The following PSG1 variants were observed in gnomAD, a reference collection of about 807,000 sequenced individuals.
The protein encoded by PSG1 is pregnancy-specific beta-1-glycoprotein 1.
PSG1 carries 60 observed loss-of-function variants against 41.4 expected under a neutral mutation model. That is an observed-to-expected ratio of 1.45 (90% CI 1.18 to 1.80). The LOEUF is 1.80. Among genes scored for constraint, PSG1 ranks in the 40% most tolerant of loss-of-function variants. The pLI, the probability that PSG1 is intolerant of heterozygous loss-of-function variation, is 0.00. For missense variants in PSG1, 806 were observed against 516.9 expected (o/e 1.56, Z -5.42); for synonymous variants, 256 against 192.9 (o/e 1.33, Z -2.71).
intron 3 of PSG1, chr19:42,870,493 G>T (rs1442308656): frequency 6.6e-6 from 1 of 151,590 alleles, no homozygotes; most frequent in Admixed American, 6.6e-5. Context: ...CTTGGGATGT[G>T]AGAAAGGCTG....
chr19:42,875,167 T>C (rs1971551670), intron 2 of PSG1, among the ~76,000 whole-genome samples: 1 of 151,798 alleles, frequency 6.6e-6, no homozygotes, highest in South Asian at 2.1e-4. Context: ...TCAGGCTGGC[T>C]GTCCTCACTC....
intron 1 of PSG1, among the ~76,000 whole-genome samples, chr19:42,878,869 T>C (rs141591528): frequency 1.3e-5 from 2 of 151,386 alleles, no homozygotes; most frequent in Non-Finnish European, 2.9e-5. Flanking sequence ...GGGCCCTCCA[T>C]GCCCTGGGTG....
chr19:42,877,966 T>A lies in PSG1; in HGVS notation c.377A>T (p.Lys126Met), dbSNP rs141705079. ...TACTCCTCTAGTCCCATCATCTCCC[T>A]TTATGATGTGTAAGGTGTAGGATCC... ...DAGSYTLHII[K>M]GDDGTRGVTG... The change falls in exon 2 of 6, where the codon AAG (lysine) becomes ATG (methionine). Residue 126 changes from lysine (K) to methionine (M), a missense_variant. Transcript: ENST00000436291. 3.7e-6 allele frequency: 6 copies of A among 1,612,400 alleles called. No individual in the cohort carries two copies. Among genetic ancestry groups the A allele is most frequent in the Non-Finnish European group, 5.1e-6 (6 of 1,179,162 alleles).
intron 3 of PSG1, chr19:42,870,615 C>T (rs886320741): frequency 1.3e-5 from 2 of 151,522 alleles, no homozygotes; most frequent in African/African-American, 4.8e-5. Flanking sequence ...AGATTTAGGA[C>T]AGTGTTTTCT....
Position 42,872,746 on chromosome 19 carries a change from G to C in PSG1, c.431-701C>G, listed in dbSNP as rs554492773. Among the ~76,000 whole-genome samples, 6 of 151,812 alleles carry C rather than the reference G, an allele frequency of 4.0e-5. No homozygotes were observed. The South Asian group carries it at 1.3e-3, about 32-fold the overall frequency. On this transcript the variant is annotated intron_variant, in intron 2 of 5. Transcript: ENST00000436291. ...GGATAGGCAAGAGCTGATAGCTTTG[G>C]ACCAAGACCATGTTCTCTCTTCTGG...
intron 2 of PSG1, among the ~76,000 whole-genome samples, chr19:42,873,170 A>G (rs1369365409): frequency 6.6e-6 from 1 of 151,726 alleles, no homozygotes; most frequent in East Asian, 1.9e-4. Flanking sequence ...GTACAGCCTC[A>G]TGCCTATACT....
chr19:42,876,435 G>A (rs966440844), intron 2 of PSG1, among the ~76,000 whole-genome samples: 2 of 151,396 alleles, frequency 1.3e-5, no homozygotes, highest in Non-Finnish European at 2.9e-5. Flanking sequence ...AGCCTCTGAA[G>A]GACAAGGGAC....
chr19:42,874,285 T>G (rs1470292958), intron 2 of PSG1: 1 of 151,694 alleles, frequency 6.6e-6, no homozygotes, highest in Non-Finnish European at 1.5e-5. Flanking sequence ...TCAAGCTAGG[T>G]ATTCTTTCCA....
chr19:42,877,740 G>A (rs961663669), intron 2 of PSG1, among the ~76,000 whole-genome samples, 173 bp downstream of exon 2: 1 of 151,696 alleles, frequency 6.6e-6, no homozygotes, highest in African/African-American at 2.4e-5. Context: ...AAGGAATTCT[G>A]ATCTGTTGAA....
At position 42,878,051 on chromosome 19, in the gene PSG1, G is replaced by A. The variant is rs756268958; in HGVS notation, c.292C>T (p.Arg98Ter). Residue 98 changes from arginine to a stop codon, truncating the protein, a stop_gained, in exon 2 of 6, where the codon CGA (arginine) becomes TGA (stop). Coordinates refer to ENST00000436291, the MANE Select transcript of PSG1 (RefSeq NM_001184825.2). LOFTEE classifies it high-confidence loss of function. ...GATGCATTGGAATATGCTGTTTCTC[G>A]TCCACTATATGCAGGCCCATATATA... ...IIIYGPAYSG[R>*]ETAYSNASLL... 5.1e-5 allele frequency: 82 copies of A among 1,612,314 alleles called. No individual in the cohort carries two copies. Among genetic ancestry groups the A allele is most frequent in the South Asian group, 3.3e-4 (30 of 90,830 alleles).
rs527572646 is a variant in PSG1, at chr19:42,869,310, C to T, written c.710-276G>A. 5.9e-6 allele frequency: 4 copies of T among 679,204 alleles called. No homozygotes were observed. The South Asian group carries it at 1.1e-4, about 18-fold the overall frequency. The allele number at this position is 679,204 out of a possible 1,614,324, so 42.1% of individuals were successfully genotyped here. A position where few individuals can be genotyped will look rare whatever the true frequency, so the allele number is the denominator to read the frequency against. On this transcript the variant is annotated intron_variant, in intron 3 of 5. Transcript: ENST00000436291. Reference sequence around the variant, plus strand: ...AGACACGTCAGTGGGAGTCACAGCCCCTGGTACCCTTCCCAGGCCCTCCCT... The same window carrying T: ...AGACACGTCAGTGGGAGTCACAGCCTCTGGTACCCTTCCCAGGCCCTCCCT...
intron 3 of PSG1, chr19:42,870,581 T>C (rs1046111780): frequency 1.3e-5 from 2 of 151,610 alleles, no homozygotes; most frequent in East Asian, 3.9e-4. Context: ...GTTGTGTCAG[T>C]CATTAATAAG....
intron 2 of PSG1, among the ~76,000 whole-genome samples, chr19:42,872,333 G>C (rs180947740): frequency 7.9e-5 from 12 of 151,716 alleles, no homozygotes; most frequent in South Asian, 2.1e-4. Context: ...TGGTGCCTCT[G>C]TGTGTCCCTC....
rs189805527 is a variant in PSG1 at position 42,876,606 on chromosome 19, G to T, written c.430+1307C>A. The T allele has an allele frequency of 3.3e-4, 109 of 334,386 alleles. 1 individual carries two copies. The highest frequency in any genetic ancestry group is 1.8e-3 in the African/African-American group (82 of 45,110). 20.7% of individuals were successfully genotyped at this position (334,386 alleles called of 1,614,324 possible). On this transcript the variant is annotated intron_variant, in intron 2 of 5. Transcript: ENST00000436291. ...TGTGGTGGTGTAGAGTGTGAGTGGG[G>T]AAAGAAAACAAGGTCCTCTCCTTGA...
At position 42,871,962 on chromosome 19, in the gene PSG1, C is replaced by T. The variant is rs1419461242; in HGVS notation, c.514G>A (p.Glu172Lys). 3.1e-6 allele frequency: 5 copies of T among 1,612,396 alleles called. No individual in the cohort carries two copies. In the East Asian group the frequency reaches 6.7e-5, roughly 22 times the overall value. ...CACAGGTAGCTTGCGTCTGGAGTCT[C>T]AGGGTCACAGGTTAAGCTCACAGCC... The part of the protein sequence containing the change: ...MEAVSLTCDP[E>K]TPDASYLWWM... Residue 172 changes from glutamate (E) to lysine (K), a missense_variant, in exon 3 of 6, where the codon GAG becomes AAG. By Grantham distance (56) the Glu-to-Lys change is moderately conservative. Coordinates refer to ENST00000436291, the MANE Select transcript of PSG1 (RefSeq NM_001184825.2).
intron 2 of PSG1, among the ~76,000 whole-genome samples, chr19:42,877,264 C>T (rs1276137913): frequency 6.6e-6 from 1 of 151,632 alleles, no homozygotes; most frequent in East Asian, 1.9e-4. Context: ...CCTAAGCCTC[C>T]TAAGGCAGTT....
At chr19:42,870,931 T>G (rs1280496932) in intron 3 of PSG1, among the ~76,000 whole-genome samples, 1 of 151,720 alleles carries the variant, frequency 6.6e-6, no homozygotes, top group African/African-American at 2.4e-5. Context: ...GTCTAAAGAA[T>G]GATCTAGAAA....
rs749837535 is a variant in PSG1 at position 42,871,767 on chromosome 19, G to A, written c.709C>T (p.Pro237Ser). 4.0e-5 allele frequency: 64 copies of A among 1,612,506 alleles called. 2 individuals carry two copies. Among genetic ancestry groups the A allele is most frequent in the Middle Eastern group, 1.6e-4 (1 of 6,080 alleles). ...RSDPVTLNLL[P>S]KLPKPYITIN... ...TCACAGAGGAACAGAAGATACTCAC[G>A]GAGGAGATTCAGGGTGACTGGGTCA... The change falls in exon 3 of 6, where the codon CCG (proline) becomes TCG (serine). Residue 237 changes from proline to serine, a missense_variant and splice_region_variant. Physicochemically the swap from Pro to Ser is moderately conservative, Grantham distance 74. Coordinates refer to ENST00000436291, the MANE Select transcript of PSG1 (RefSeq NM_001184825.2).
In PSG1 at chr19:42,867,160, G is replaced by A. The variant is rs771377968; in HGVS notation, c.1244-10C>T. 3.9e-6 allele frequency: 3 copies of A among 767,572 alleles called. No individual in the cohort carries two copies. The South Asian group carries it at 4.0e-5, about 10-fold the overall frequency. The allele number at this position is 767,572 out of a possible 1,614,324, so 47.5% of individuals were successfully genotyped here. Reference sequence around the variant, plus strand: ...CAGGGAACTGTCCAGTCTACAGGTGGATAATAAAAACACAGAAACAATGAA... The same window carrying A: ...CAGGGAACTGTCCAGTCTACAGGTGAATAATAAAAACACAGAAACAATGAA... On this transcript the variant is annotated splice_polypyrimidine_tract_variant and intron_variant, in intron 5 of 5. Transcript: ENST00000436291.
Sources: allele counts gnomAD v4.1 joint callset (sites outside exome capture counted in the v4.1 genomes callset), GRCh38; gene constraint gnomAD v4.1.1; transcripts MANE v1.5; gene names NCBI Gene and HGNC (gene_info 2026-07-23, HGNC 2026-07-21).